The following PTPN13 variants were observed in gnomAD, a reference collection of about 807,000 sequenced individuals.
PTPN13 encodes the protein tyrosine-protein phosphatase non-receptor type 13.
Under a neutral mutation model 284.0 loss-of-function variants are expected in PTPN13, and 191 were observed. That is an observed-to-expected ratio of 0.67 (90% confidence interval 0.60 to 0.76). The LOEUF is 0.76. Among genes scored for constraint, PTPN13 ranks in the 30% least tolerant of loss-of-function variants. The probability of loss-of-function intolerance (pLI) is 0.00; values close to 1 mark genes in which losing one functional copy is unlikely to be tolerated. For synonymous variants in PTPN13, 986 were observed against 1,022.3 expected (o/e 0.96, Z 0.68); for missense variants, 2,797 against 2,939.9 (o/e 0.95, Z 1.12).
chr4:86,639,130 C>T (rs1351549177), intron 2 of PTPN13, among the ~76,000 whole-genome samples: 14 of 151,738 alleles, frequency 9.2e-5, no homozygotes, highest in Admixed American at 8.5e-4. Flanking sequence ...CAATGAGATA[C>T]CATCTCACAC....
chr4:86,661,240 T>C (rs1726452740), intron 2 of PTPN13: 1 of 283,602 alleles, frequency 3.5e-6, no homozygotes, highest in Admixed American at 4.8e-5. Flanking sequence ...AATCATACAA[T>C]GTAAACTCTT....
intron 32 of PTPN13, among the ~76,000 whole-genome samples, chr4:86,773,747 A>G (rs1011867065): frequency 6.6e-6 from 1 of 151,754 alleles, no homozygotes; most frequent in African/African-American, 2.4e-5. Flanking sequence ...AGGGGTGTGC[A>G]GCATCTACAT....
At chr4:86,679,865 AAAG>A (rs1728690850) in intron 3 of PTPN13, among the ~76,000 whole-genome samples, 1 of 152,208 alleles carries the variant, frequency 6.6e-6, no homozygotes, top group Admixed American at 6.5e-5. Context: ...CGAGAGGTAG[AAAG>A]TATTCTGTTA....
chr4:86,748,810 C>T (rs1737067977), intron 17 of PTPN13, among the ~76,000 whole-genome samples: 1 of 152,030 alleles, frequency 6.6e-6, no homozygotes. Flanking sequence ...CGCCTGCCAC[C>T]ACGCCCAGCT....
chr4:86,663,870 A>AC, intron 2 of PTPN13, among the ~76,000 whole-genome samples: 1 of 152,296 alleles, frequency 6.6e-6, no homozygotes, highest in East Asian at 1.9e-4. Flanking sequence ...ACAGCTTTGT[A>AC]AGCTGTAAAA....
intron 1 of PTPN13, among the ~76,000 whole-genome samples, chr4:86,622,573 A>G (rs958183616): frequency 3.3e-5 from 5 of 152,236 alleles, no homozygotes; most frequent in Admixed American, 1.3e-4. Flanking sequence ...TAAAAGAGAT[A>G]TACAGTGTAT....
chr4:86,676,871 G>A (rs1728330339), intron 3 of PTPN13, among the ~76,000 whole-genome samples: 1 of 152,168 alleles, frequency 6.6e-6, no homozygotes, highest in Admixed American at 6.5e-5. Flanking sequence ...AGAGGGTAGA[G>A]GGAAGAATTA....
intron 2 of PTPN13, among the ~76,000 whole-genome samples, chr4:86,658,341 G>A (rs1452114978): frequency 2.0e-5 from 3 of 152,192 alleles, no homozygotes; most frequent in Non-Finnish European, 2.9e-5. Flanking sequence ...ATGCAAGACT[G>A]TCTCTCCTAC....
chr4:86,644,988 T>C (rs994005235), intron 2 of PTPN13, among the ~76,000 whole-genome samples: 2 of 152,088 alleles, frequency 1.3e-5, no homozygotes, highest in Non-Finnish European at 2.9e-5. Flanking sequence ...CAGAAGAGAC[T>C]GCTTGAGTTC....
rs7694723 is a variant in PTPN13, at chr4:86,594,679, T to A, written c.-116T>A. The A allele has an allele frequency of 0.36, 54,046 of 151,970 alleles. 9,882 individuals are homozygous for A. Among genetic ancestry groups the A allele is most frequent in the African/African-American group, 0.4 (16,681 of 41,396 alleles). 9.4% of individuals were successfully genotyped at this position (151,970 alleles called of 1,614,324 possible). ...CGCCCGCAGCCGCTTGTGGGAGAAG[T>A]GGTGGTGGCTCTCGGCGCCCGCGGC... On this transcript the variant is annotated 5_prime_UTR_variant, in exon 1 of 48. Coordinates refer to ENST00000411767, the MANE Select transcript of PTPN13 (RefSeq NM_080683.3).
Position 86,598,357 on chromosome 4 carries a change from C to G in PTPN13, c.-6+3568C>G, listed in dbSNP as rs1314477704. Among the ~76,000 whole-genome samples, 3 of 152,088 alleles carry G rather than the reference C, an allele frequency of 2.0e-5. No homozygotes were observed. In the South Asian group the frequency reaches 6.2e-4, roughly 31 times the overall value. The stretch of plus-strand genomic sequence containing the variant: ...ACGAGGTTTTGCCATGTTGGCCAGT[C>G]TGGTCTTGAACTCCTGACCTCAAGC... On this transcript the variant is annotated intron_variant, in intron 1 of 47. Coordinates refer to ENST00000411767, the MANE Select transcript of PTPN13 (RefSeq NM_080683.3).
chr4:86,739,909 G>T (rs764965962), intron 15 of PTPN13, among the ~76,000 whole-genome samples: 1 of 152,176 alleles, frequency 6.6e-6, no homozygotes, highest in Non-Finnish European at 1.5e-5. Flanking sequence ...CTGAAATCCA[G>T]CAGGGCAGGC....
chr4:86,656,525 A>G (rs1305911603), intron 2 of PTPN13, among the ~76,000 whole-genome samples: 1 of 152,178 alleles, frequency 6.6e-6, no homozygotes, highest in African/African-American at 2.4e-5. Context: ...CCTGTTTGCC[A>G]GGGTATCAGC....
intron 47 of PTPN13, among the ~76,000 whole-genome samples, chr4:86,813,189 G>A (rs1201736584): frequency 2.6e-5 from 4 of 152,130 alleles, no homozygotes; most frequent in Non-Finnish European, 5.9e-5. Flanking sequence ...ACTCCTTCAT[G>A]CTCACACATA....
intron 40 of PTPN13, among the ~76,000 whole-genome samples, chr4:86,789,790 A>AGTG (rs1742404365): frequency 6.6e-6 from 1 of 151,892 alleles, no homozygotes; most frequent in Non-Finnish European, 1.5e-5. Flanking sequence ...CCCCATACAC[A>AGTG]AGTGAACTTT....
intron 1 of PTPN13, among the ~76,000 whole-genome samples, chr4:86,628,433 G>T (rs115906879): frequency 6.6e-6 from 1 of 150,962 alleles, no homozygotes; most frequent in South Asian, 2.1e-4. Flanking sequence ...ATATATTCTG[G>T]ATATAAGTCC....
At chr4:86,601,259 G>C (rs1764271538) in intron 1 of PTPN13, among the ~76,000 whole-genome samples, 1 of 151,648 alleles carries the variant, frequency 6.6e-6, no homozygotes, top group African/African-American at 2.4e-5. Context: ...GGAATGTTCG[G>C]TTATCAAATC....
intron 23 of PTPN13, among the ~76,000 whole-genome samples, chr4:86,760,556 G>A (rs1738557926): frequency 6.6e-6 from 1 of 152,168 alleles, no homozygotes; most frequent in Admixed American, 6.5e-5. Flanking sequence ...CCTAATGGAA[G>A]TTACTCTTTA....
chr4:86,735,575 A>G lies in PTPN13; in HGVS notation c.2152-19A>G, dbSNP rs749141319. On this transcript the variant is annotated intron_variant, in intron 14 of 47. Transcript: ENST00000411767. ...AATAAAAGGCAAACAATTGCTTATG[A>G]AAACATTCTTTTATCTAGGTTCATG... The G allele has an allele frequency of 6.2e-7, 1 of 1,601,130 alleles. No homozygotes were observed. Among genetic ancestry groups the G allele is most frequent in the South Asian group, 1.1e-5 (1 of 87,638 alleles).
Sources: gnomAD v4.1 joint callset for allele counts (sites outside exome capture counted in the v4.1 genomes callset) on GRCh38, gnomAD v4.1.1 for gene constraint, MANE v1.5 for transcripts, NCBI Gene and HGNC (gene_info 2026-07-23, HGNC 2026-07-21) for gene names.